The following CCDC68 variants were observed in gnomAD, a reference collection of about 807,000 sequenced individuals.
The protein encoded by CCDC68 is coiled-coil domain-containing protein 68.
CCDC68 carries 45 observed loss-of-function variants against 47.1 expected under a neutral mutation model. The observed-to-expected ratio is 0.96, with a 90% CI of 0.75 to 1.23. CCDC68 has a LOEUF of 1.23. Among genes scored for constraint, CCDC68 ranks in the 50% most tolerant of loss-of-function variants. The probability of loss-of-function intolerance (pLI) is 0.00; values close to 1 mark genes in which losing one functional copy is unlikely to be tolerated. For missense variants in CCDC68, 353 were observed against 373.6 expected, an observed-to-expected ratio of 0.94 and a Z score of 0.45; for synonymous variants, 131 against 129.5, an observed-to-expected ratio of 1.01 and a Z score of -0.08.
At position 54,919,349 on chromosome 18, in the gene CCDC68, G is replaced by A. The variant is rs1358827674; in HGVS notation, c.711C>T (p.Ser237=). ...GATGAGAGATCTGCTCCTGGAGAAT[G>A]GAAATCTCCCTCTGAAGATCCTGGC... The part of the protein sequence containing the change: ...KSCQDLQREI[S]ILQEQISHLQ... The change falls in exon 9 of 12, where the codon TCC becomes TCT. Residue 237 remains serine, a synonymous_variant. Coordinates refer to ENST00000591504, the MANE Select transcript of CCDC68 (RefSeq NM_025214.3). 1.4e-5 allele frequency: 22 copies of A among 1,613,540 alleles called. No homozygotes were observed. The highest frequency in any genetic ancestry group is 1.6e-4 in the Middle Eastern group (1 of 6,082).
intron 8 of CCDC68, among the ~76,000 whole-genome samples, chr18:54,926,535 G>A (rs987320911): frequency 7.9e-5 from 12 of 152,144 alleles, no homozygotes; most frequent in Non-Finnish European, 1.3e-4. Flanking sequence ...ATCTTTTCGG[G>A]TGGGGACACA....
chr18:54,954,914 A>T (rs1190500182), intron 1 of CCDC68, among the ~76,000 whole-genome samples: 1 of 152,194 alleles, frequency 6.6e-6, no homozygotes, highest in East Asian at 1.9e-4. Flanking sequence ...GAAAAAAATG[A>T]GTTGCAAATG....
chr18:54,920,489 C>T (rs935184358), intron 8 of CCDC68, among the ~76,000 whole-genome samples: 1 of 152,088 alleles, frequency 6.6e-6, no homozygotes, highest in African/African-American at 2.4e-5. Context: ...GATCCACCCA[C>T]CTCAGCCTCT....
At chr18:54,940,734 G>A (rs2044422881) in intron 4 of CCDC68, among the ~76,000 whole-genome samples, 1 of 152,232 alleles carries the variant, frequency 6.6e-6, no homozygotes, top group South Asian at 2.1e-4. Context: ...TGCTGTCATG[G>A]ATCTTGGCTG....
At chr18:54,930,633 C>CCTTCCTTCCTT (rs1451918978) in intron 7 of CCDC68, among the ~76,000 whole-genome samples, 3 of 14,880 alleles carry the variant, frequency 2.0e-4, no homozygotes, top group South Asian at 8.3e-3. Flanking sequence ...TCCCCTCCCT[C>CCTTCCTTCCTT]CCTCCCTCCC....
chr18:54,944,770 C>T (rs1242873481), intron 2 of CCDC68, among the ~76,000 whole-genome samples: 5 of 152,128 alleles, frequency 3.3e-5, no homozygotes, highest in South Asian at 2.1e-4. Context: ...CTATATTTTG[C>T]AACCCTTGAT....
At chr18:54,955,946 A>G (rs934504076) in intron 1 of CCDC68, among the ~76,000 whole-genome samples, 2 of 150,476 alleles carry the variant, frequency 1.3e-5, no homozygotes, top group African/African-American at 4.9e-5. Flanking sequence ...CTGGTCTCCA[A>G]CTCCTGACCT....
chr18:54,949,556 A>G (rs2044579914), intron 1 of CCDC68, among the ~76,000 whole-genome samples: 1 of 152,326 alleles, frequency 6.6e-6, no homozygotes, highest in African/African-American at 2.4e-5. Flanking sequence ...AGAAGGGACA[A>G]TGAAGTCTGA....
intron 10 of CCDC68, among the ~76,000 whole-genome samples, chr18:54,912,020 G>C (rs1914398983): frequency 6.6e-6 from 1 of 152,188 alleles, no homozygotes; most frequent in Non-Finnish European, 1.5e-5. Context: ...GAATATGCCT[G>C]CCATTATTAT....
chr18:54,953,861 G>C (rs894821438), intron 1 of CCDC68, among the ~76,000 whole-genome samples: 2 of 151,768 alleles, frequency 1.3e-5, no homozygotes, highest in Admixed American at 6.6e-5. Context: ...TTTTCTAATA[G>C]CTTTCTAGAT....
At chr18:54,927,701 C>T (rs912634094) in intron 8 of CCDC68, among the ~76,000 whole-genome samples, 1 of 152,200 alleles carries the variant, frequency 6.6e-6, no homozygotes, top group African/African-American at 2.4e-5. Context: ...AGTCCACTCT[C>T]TTGGGCTATA....
At chr18:54,930,132 A>T (rs1344658842) in intron 7 of CCDC68, among the ~76,000 whole-genome samples, 1 of 152,206 alleles carries the variant, frequency 6.6e-6, no homozygotes, top group African/African-American at 2.4e-5. Flanking sequence ...TTAAAAATTT[A>T]ATCTAGTACT....
intron 1 of CCDC68, among the ~76,000 whole-genome samples, chr18:54,957,507 G>T (rs1190874412): frequency 6.6e-6 from 1 of 151,866 alleles, no homozygotes; most frequent in African/African-American, 2.4e-5. Context: ...CTCCCATCTG[G>T]TTCTCCCACA....
intron 1 of CCDC68, chr18:54,959,073 C>T (rs1422378116): frequency 6.6e-6 from 1 of 152,228 alleles, no homozygotes; most frequent in Non-Finnish European, 1.5e-5. Context: ...CAGGTGTGCG[C>T]CGGACTAAGT....
At chr18:54,929,613 A>G (rs560099619) in intron 7 of CCDC68, among the ~76,000 whole-genome samples, 3 of 152,340 alleles carry the variant, frequency 2.0e-5, no homozygotes, top group South Asian at 2.1e-4. Flanking sequence ...TAGGTTGCCA[A>G]GTTGGAAAGA....
chr18:54,930,685 TCCCTCCCTCC>T (rs1474542634), intron 7 of CCDC68, among the ~76,000 whole-genome samples: 1 of 69,570 alleles, frequency 1.4e-5, no homozygotes, highest in Admixed American at 1.8e-4. Flanking sequence ...CCTCCCTCCC[TCCCTCCCTCC>T]CTCTCTCTCT....
At chr18:54,922,546 A>G (rs1324377475) in intron 8 of CCDC68, among the ~76,000 whole-genome samples, 6 of 152,122 alleles carry the variant, frequency 3.9e-5, no homozygotes, top group African/African-American at 1.4e-4. Context: ...GGAAAAGATG[A>G]CTGGAGGATA....
intron 1 of CCDC68, among the ~76,000 whole-genome samples, chr18:54,950,915 T>TC: frequency 7.9e-6 from 1 of 126,536 alleles, no homozygotes; most frequent in Non-Finnish European, 1.7e-5. Flanking sequence ...TTTTTTTTTT[T>TC]TTTTTTTTTT....
intron 2 of CCDC68, among the ~76,000 whole-genome samples, chr18:54,943,146 A>C (rs951355613): frequency 6.6e-6 from 1 of 152,190 alleles, no homozygotes; most frequent in African/African-American, 2.4e-5. Context: ...GTACATAATA[A>C]ATGTAGAATT....
Sources: allele counts gnomAD v4.1 joint callset (sites outside exome capture counted in the v4.1 genomes callset), GRCh38; gene constraint gnomAD v4.1.1; transcripts MANE v1.5; gene names NCBI Gene and HGNC (gene_info 2026-07-23, HGNC 2026-07-21).